CIITA: variants seen among roughly 807,000 people sequenced by gnomAD.
The protein encoded by CIITA is class II major histocompatibility complex transactivator, also known as MHC class II transactivator.
A neutral mutation model predicts 115.1 loss-of-function variants in CIITA; 72 were observed. That is an observed-to-expected ratio of 0.63 (90% confidence interval 0.52 to 0.76). CIITA has a LOEUF of 0.76. Ranked by LOEUF, CIITA falls within the 30% of genes least tolerant of loss-of-function variation. The pLI, the probability that CIITA is intolerant of heterozygous loss-of-function variation, is 0.00. For synonymous variants in CIITA, 763 were observed against 635.6 expected (o/e 1.20, Z -3.02); for missense variants, 1,617 against 1,463.8 (o/e 1.10, Z -1.71).
chr16:10,924,473 T>TCCACCCA lies in CIITA; in HGVS notation c.*621_*627dup, dbSNP rs2040446843. 1.3e-5 allele frequency: 2 copies of TCCACCCA among 152,342 alleles called. No homozygotes were observed. The highest frequency in any genetic ancestry group is 4.8e-5 in the African/African-American group (2 of 41,432). The allele number at this position is 152,342 out of a possible 1,614,324, so 9.4% of individuals were successfully genotyped here. A position where few individuals can be genotyped will look rare whatever the true frequency, so the allele number is the denominator to read the frequency against. ...GTCTCAAACTCTTGACCTCAGGTGA[T>TCCACCCA]CCACCCACCTCAGCCTCCCAAAGTG... is the stretch of plus-strand genomic sequence containing the variant. On this transcript the variant is annotated 3_prime_UTR_variant, in exon 20 of 20. Transcript: ENST00000324288.
chr16:10,901,400 C>G lies in CIITA; in HGVS notation c.437-114C>G, dbSNP rs1034005051. Reference sequence around the variant, plus strand: ...GAGCGAGGGGAGGAAAATGGACCCCCAAGACCACTACCCAGCCTTGAAGTT... The same window carrying G: ...GAGCGAGGGGAGGAAAATGGACCCCGAAGACCACTACCCAGCCTTGAAGTT... On this transcript the variant is annotated intron_variant, in intron 5 of 19. Coordinates refer to ENST00000324288, the MANE Select transcript of CIITA (RefSeq NM_000246.4). The surrounding 1 kb of genome is among the most constrained non-coding windows in gnomAD (Gnocchi z 6.8). The G allele has an allele frequency of 8.6e-7, 1 of 1,161,210 alleles. No homozygotes were observed. The highest frequency in any genetic ancestry group is 1.5e-5 in the African/African-American group (1 of 65,822). The allele number at this position is 1,161,210 out of a possible 1,614,324, so 71.9% of individuals were successfully genotyped here. A position where few individuals can be genotyped will look rare whatever the true frequency, so the allele number is the denominator to read the frequency against.
At chr16:10,910,284 G>C (rs764686818) in intron 13 of CIITA, 25 bp downstream of exon 13, 3 of 1,606,642 alleles carry the variant, frequency 1.9e-6, no homozygotes, top group Admixed American at 1.7e-5. Flanking sequence ...GGATTGTCTT[G>C]TGGGTCTGCG....
At chr16:10,872,137 G>T (rs148454593) in intron 1 of CIITA, among the ~76,000 whole-genome samples, 22 of 151,346 alleles carry the variant, frequency 1.5e-4, no homozygotes, top group African/African-American at 3.2e-4. Context: ...TTTTTTGGGT[G>T]GGGGGGACAC....
chr16:10,919,615 C>A (rs905458186), intron 16 of CIITA, among the ~76,000 whole-genome samples: 1 of 152,154 alleles, frequency 6.6e-6, no homozygotes, highest in Non-Finnish European at 1.5e-5. Flanking sequence ...CTGAAGCGAA[C>A]CTCCCACCTC....
At chr16:10,938,669 C>A (rs1596661127), downstream of CIITA, 1 of 152,312 alleles carries the variant, frequency 6.6e-6, no homozygotes, top group East Asian at 1.9e-4. The surrounding 1 kb of genome is among the most constrained non-coding windows in gnomAD (Gnocchi z 4.9). Flanking sequence ...TTCCTCGGCA[C>A]TTGGGGGCAA....
chr16:10,902,196 G>T lies in CIITA; in HGVS notation c.628+12G>T. ...CGACCAGATTCCCAGTATGTTAGGG[G>T]GCTTGGAGAGAGTGGGCTTTCTCCC... On this transcript the variant is annotated intron_variant, in intron 7 of 19. Coordinates refer to ENST00000324288, the MANE Select transcript of CIITA (RefSeq NM_000246.4). 1 of 1,613,998 alleles carries T rather than the reference G, an allele frequency of 6.2e-7. No homozygotes were observed. Among genetic ancestry groups the T allele is most frequent in the Non-Finnish European group, 8.5e-7 (1 of 1,179,986 alleles).
intron 3 of CIITA, among the ~76,000 whole-genome samples, chr16:10,897,970 A>G (rs2144375012): frequency 6.6e-6 from 1 of 152,106 alleles, no homozygotes; most frequent in South Asian, 2.1e-4. Context: ...TCCTAAACAT[A>G]CTCTGAACAA....
rs2228238 is a variant in CIITA, at chr16:10,909,047, G to A, written c.2676G>A (p.Thr892=). 0.7 allele frequency: 1,125,208 copies of A among 1,613,932 alleles called. 395,596 individuals are homozygous for A. Among genetic ancestry groups the A allele is most frequent in the East Asian group, 0.8 (35,855 of 44,878 alleles). Reference sequence around the variant, plus strand: ...TCCACAGGGCTGCCTTGAGCGACACGGTGGCGCTGTGGGAGTCCCTGCAGC... The same window carrying A: ...TCCACAGGGCTGCCTTGAGCGACACAGTGGCGCTGTGGGAGTCCCTGCAGC... ...VTRFRAALSD[T]VALWESLQQH... is the part of the protein sequence containing the mutation. The change falls in exon 12 of 20, where the codon ACG becomes ACA. Residue 892 remains threonine (T), a synonymous_variant. Coordinates refer to ENST00000324288, the MANE Select transcript of CIITA (RefSeq NM_000246.4).
chr16:10,867,860 A>T (rs2035200030), intron 1 of CIITA, among the ~76,000 whole-genome samples: 1 of 152,052 alleles, frequency 6.6e-6, no homozygotes, highest in South Asian at 2.1e-4. Flanking sequence ...TGCTTAAGTG[A>T]TCCTCCCACC....
rs2041108687 is a variant in CIITA at position 10,941,957 on chromosome 16, C to G, written n.1083C>G. ...AGCAGCGGCGGCGGCACGTAGGGGACCAGGGGGCCCAGTGCGTCCAGGTGG... is the reference window on the plus strand; with the variant it reads ...AGCAGCGGCGGCGGCACGTAGGGGAGCAGGGGGCCCAGTGCGTCCAGGTGG... On this transcript the variant is annotated non_coding_transcript_exon_variant, in exon 2 of 2. Transcript: ENST00000573379. The surrounding 1 kb of genome is among the most constrained non-coding windows in gnomAD (Gnocchi z 6.4). 6.4e-7 allele frequency: 1 copy of G among 1,566,208 alleles called. No individual in the cohort carries two copies. The highest frequency in any genetic ancestry group is 1.4e-5 in the African/African-American group (1 of 73,788).
In CIITA at chr16:10,923,429, G is replaced by A. The variant is rs2040382381; in HGVS notation, c.*22+104G>A. The A allele has an allele frequency of 2.3e-6, 2 of 877,876 alleles. No individual in the cohort carries two copies. The highest frequency in any genetic ancestry group is 2.7e-5 in the South Asian group (2 of 73,750). 54.4% of individuals were successfully genotyped at this position (877,876 alleles called of 1,614,324 possible). On this transcript the variant is annotated intron_variant, in intron 19 of 19. Coordinates refer to ENST00000324288, the MANE Select transcript of CIITA (RefSeq NM_000246.4). This position sits in a 1 kb window ranked among gnomAD's most constrained non-coding sequence, Gnocchi z 5.2. ...GTGGGCGGGACACAGGTGGGGCTAG[G>A]CCACCACCCTTGGACGCATGCGTCA...
chr16:10,916,274 A>G, intron 14 of CIITA, 93 bp from the exon 15 acceptor site: 2 of 1,147,638 alleles, frequency 1.7e-6, no homozygotes, highest in Non-Finnish European at 2.6e-6. Context: ...TGGGAAGGGC[A>G]GGTGCCAGGG....
intron 18 of CIITA, 94 bp downstream of exon 18, chr16:10,922,584 C>G: frequency 8.0e-7 from 1 of 1,242,300 alleles, no homozygotes; most frequent in South Asian, 1.2e-5. Flanking sequence ...CTCTTCCCTT[C>G]ACCAATCTGC....
chr16:10,908,916 T>A (rs2039363320), intron 11 of CIITA, 113 bp from the exon 12 acceptor site: 1 of 1,484,928 alleles, frequency 6.7e-7, no homozygotes, highest in Non-Finnish European at 9.3e-7. Flanking sequence ...AAGGTAGAGG[T>A]TGAGCTAAGG....
At chr16:10,875,774 G>C (rs925607271), upstream of CIITA, among the ~76,000 whole-genome samples, 2 of 151,930 alleles carry the variant, frequency 1.3e-5, no homozygotes, top group Non-Finnish European at 1.5e-5. Flanking sequence ...GGGCACACTC[G>C]ATCCTCCCAC....
intron 3 of CIITA, among the ~76,000 whole-genome samples, chr16:10,898,297 C>T (rs1292692717): frequency 6.6e-6 from 1 of 151,968 alleles, no homozygotes; most frequent in Non-Finnish European, 1.5e-5. Flanking sequence ...ATTATTTATT[C>T]ATCTTACACA....
rs1330260613 is a variant in CIITA at position 10,902,175 on chromosome 16, C to A, written c.619C>A (p.Gln207Lys). 2.4e-5 allele frequency: 38 copies of A among 1,614,050 alleles called. No individual in the cohort carries two copies. Among genetic ancestry groups the A allele is most frequent in the Non-Finnish European group, 3.1e-5 (37 of 1,180,028 alleles). The stretch of plus-strand genomic sequence containing the variant: ...CCAGATGCGCCTGGAGAAAACCGAC[C>A]AGATTCCCAGTATGTTAGGGGGCTT... ...SGQMRLEKTD[Q>K]IPMPFSSSSL... The change falls in exon 7 of 20, where the codon CAG becomes AAG. Residue 207 changes from glutamine (Q) to lysine (K), a missense_variant. Physicochemically the swap from Gln to Lys is moderately conservative, Grantham distance 53. Transcript: ENST00000324288.
At chr16:10,870,305 C>T (rs1385804470) in intron 1 of CIITA, among the ~76,000 whole-genome samples, 1 of 152,144 alleles carries the variant, frequency 6.6e-6, no homozygotes, top group Non-Finnish European at 1.5e-5. Context: ...TCAGAAGTCC[C>T]CTTCAGATAT....
At chr16:10,921,948 C>T (rs1177447575) in intron 16 of CIITA, among the ~76,000 whole-genome samples, 2 of 152,236 alleles carry the variant, frequency 1.3e-5, no homozygotes, top group African/African-American at 4.8e-5. Flanking sequence ...GTCACTTATT[C>T]ATTCCTAGCC....
Sources: gnomAD v4.1 joint callset for allele counts (sites outside exome capture counted in the v4.1 genomes callset) on GRCh38, gnomAD v4.1.1 for gene constraint, Gnocchi (gnomAD v3.1) non-coding constraint, MANE v1.5 for transcripts, NCBI Gene and HGNC (gene_info 2026-07-23, HGNC 2026-07-21) for gene names.